Variants in WDFY3 observed in about 807,000 individuals in gnomAD.
WDFY3 encodes the protein WD repeat and FYVE domain containing 3, also known as WD repeat and FYVE domain-containing protein 3.
In WDFY3, 66 loss-of-function variants were observed where a neutral mutation model predicts 409.6. The ratio of observed to expected loss-of-function variants is 0.16; its 90% CI spans 0.13 to 0.20. WDFY3 has a LOEUF of 0.20. WDFY3 is among the 10% of genes least tolerant of loss of function. The probability of loss-of-function intolerance (pLI) is 1.00; values close to 1 mark genes in which losing one functional copy is unlikely to be tolerated. For missense variants in WDFY3, 3,031 were observed against 4,298.1 expected (o/e 0.71, Z 8.24); for synonymous variants, 1,521 against 1,537.1 (o/e 0.99, Z 0.25).
At chr4:84,889,918 T>G (rs189766185) in intron 3 of WDFY3, among the ~76,000 whole-genome samples, 2 of 152,278 alleles carry the variant, frequency 1.3e-5, no homozygotes, top group East Asian at 3.9e-4. Flanking sequence ...TCCAAATTCT[T>G]ATAGCCAGTA....
chr4:84,877,669 T>A (rs576558030), intron 3 of WDFY3, among the ~76,000 whole-genome samples: 7 of 152,334 alleles, frequency 4.6e-5, no homozygotes, highest in Admixed American at 2.0e-4. Flanking sequence ...CCTGTGTACA[T>A]CTTTATCATT....
At chr4:84,704,878 G>GA in intron 54 of WDFY3, among the ~76,000 whole-genome samples, 1 of 152,124 alleles carries the variant, frequency 6.6e-6, no homozygotes, top group Non-Finnish European at 1.5e-5. Flanking sequence ...GAGGGGGTGG[G>GA]AAAAAAGAGT....
At chr4:84,962,010 T>C (rs1012278596) in intron 1 of WDFY3, among the ~76,000 whole-genome samples, 1 of 152,206 alleles carries the variant, frequency 6.6e-6, no homozygotes, top group Non-Finnish European at 1.5e-5. Context: ...ATGCAAATGT[T>C]TATAGCAGCT....
intron 2 of WDFY3, among the ~76,000 whole-genome samples, chr4:84,927,585 T>C (rs1429420602): frequency 6.6e-6 from 1 of 152,228 alleles, no homozygotes; most frequent in African/African-American, 2.4e-5. Flanking sequence ...TCCCCATGTG[T>C]CAAGGGCGGG....
chr4:84,938,747 ACCT>A (rs1156324844), intron 1 of WDFY3, among the ~76,000 whole-genome samples: 1 of 152,182 alleles, frequency 6.6e-6, no homozygotes, highest in Non-Finnish European at 1.5e-5. Flanking sequence ...TACTAATGTC[ACCT>A]CTTTACTTTT....
At chr4:84,712,373 T>TAAAA (rs998951453) in intron 51 of WDFY3, among the ~76,000 whole-genome samples, 13 of 75,066 alleles carry the variant, frequency 1.7e-4, no homozygotes, top group African/African-American at 2.5e-4. Context: ...AGAAAAAAAT[T>TAAAA]AAAAAAAAAA....
At chr4:84,860,383 A>G in intron 4 of WDFY3, 29 bp downstream of exon 4, 9 of 1,593,092 alleles carry the variant, frequency 5.6e-6, no homozygotes, top group Non-Finnish European at 7.7e-6. Context: ...CCAGTCCCGG[A>G]AGGTGTGTGT....
At chr4:84,916,492 C>T (rs547731227) in intron 2 of WDFY3, among the ~76,000 whole-genome samples, 1 of 152,258 alleles carries the variant, frequency 6.6e-6, no homozygotes, top group Admixed American at 6.5e-5. Context: ...AAGAATACTG[C>T]CATTCTCGCA....
At chr4:84,912,843 T>C (rs1324259871) in intron 2 of WDFY3, among the ~76,000 whole-genome samples, 1 of 152,130 alleles carries the variant, frequency 6.6e-6, no homozygotes, top group Non-Finnish European at 1.5e-5. Context: ...CTAACTCCTG[T>C]TTTGAGCAAA....
intron 59 of WDFY3, among the ~76,000 whole-genome samples, chr4:84,692,620 A>C (rs907023207): frequency 1.3e-5 from 2 of 152,114 alleles, no homozygotes; most frequent in African/African-American, 4.8e-5. Context: ...GGTATTTTAG[A>C]GCTTTGATTA....
At chr4:84,826,634 CT>C in intron 10 of WDFY3, among the ~76,000 whole-genome samples, 180 bp downstream of exon 10, 1 of 151,638 alleles carries the variant, frequency 6.6e-6, no homozygotes, top group South Asian at 2.1e-4. Flanking sequence ...AGTATTTGAT[CT>C]GCTAGATTAA....
At chr4:84,846,128 A>G (rs933082006) in intron 5 of WDFY3, among the ~76,000 whole-genome samples, 59 of 152,332 alleles carry the variant, frequency 3.9e-4, no homozygotes, top group African/African-American at 1.3e-3. Context: ...CTTAGGAAAG[A>G]TCTTTCATGA....
At chr4:84,945,110 T>G (rs1356291474) in intron 1 of WDFY3, among the ~76,000 whole-genome samples, 1 of 152,164 alleles carries the variant, frequency 6.6e-6, no homozygotes, top group East Asian at 1.9e-4. Context: ...ACAAAGCCTC[T>G]TAGTAATTGA....
At chr4:84,708,800 C>T (rs994919987) in intron 53 of WDFY3, 109 bp downstream of exon 53, 10 of 1,267,398 alleles carry the variant, frequency 7.9e-6, no homozygotes, top group Non-Finnish European at 9.8e-6. Flanking sequence ...CTTAGCCTCC[C>T]AAAGTGCTAG....
intron 50 of WDFY3, among the ~76,000 whole-genome samples, chr4:84,713,554 T>C (rs1194181282): frequency 6.6e-6 from 1 of 152,186 alleles, no homozygotes; most frequent in African/African-American, 2.4e-5. Context: ...AGGCCCTTTA[T>C]TTGAAGAACC....
chr4:84,786,168 A>G, intron 23 of WDFY3, 29 bp from the exon 24 acceptor site: 1 of 1,572,676 alleles, frequency 6.4e-7, no homozygotes, highest in Non-Finnish European at 8.6e-7. Flanking sequence ...TCTTTTCAAA[A>G]TCATCAGTAG....
Position 84,829,076 on chromosome 4 carries a change from T to C in WDFY3, c.884A>G (p.Asp295Gly). Residue 295 changes from aspartate (D) to glycine (G), a missense_variant, in exon 9 of 68, where the codon GAT becomes GGT. By Grantham distance (94) the Asp-to-Gly change is moderately conservative. Coordinates refer to ENST00000295888, the MANE Select transcript of WDFY3 (RefSeq NM_014991.6). ...GLSCFLKDSS[D>G]VSQTLLDDFR... ...ATCATCCAGAAGTGTTTGGGAAACATCGCTGGAATCTTTGAGGAAACAAGA... is the reference window on the plus strand; with the variant it reads ...ATCATCCAGAAGTGTTTGGGAAACACCGCTGGAATCTTTGAGGAAACAAGA... The C allele has an allele frequency of 6.2e-7, 1 of 1,613,896 alleles. No individual in the cohort carries two copies.
intron 55 of WDFY3, 127 bp downstream of exon 55, chr4:84,704,211 G>A (rs1460976225): frequency 3.1e-6 from 2 of 637,458 alleles, no homozygotes; most frequent in Non-Finnish European, 5.0e-6. Flanking sequence ...CTTTAGTTAT[G>A]TAACTACTTT....
intron 3 of WDFY3, among the ~76,000 whole-genome samples, chr4:84,862,772 G>A (rs766214024): frequency 1.3e-5 from 2 of 152,114 alleles, no homozygotes; most frequent in Non-Finnish European, 2.9e-5. Context: ...TGGATCACGA[G>A]GTCAGGGGAT....
Sources: allele counts gnomAD v4.1 joint callset (sites outside exome capture counted in the v4.1 genomes callset), GRCh38; gene constraint gnomAD v4.1.1; transcripts MANE v1.5; gene names NCBI Gene and HGNC (gene_info 2026-07-23, HGNC 2026-07-21).